Variants in GPR155 observed in about 807,000 individuals in gnomAD.
GPR155 encodes the protein G protein-coupled receptor 155, also known as lysosomal cholesterol signaling protein.
In GPR155, 65 loss-of-function variants were observed where a neutral mutation model predicts 93.1. That is an observed-to-expected ratio of 0.70 (90% confidence interval 0.57 to 0.86). The LOEUF is 0.86. Ranked by LOEUF, GPR155 falls within the 40% of genes least tolerant of loss-of-function variation. The probability of loss-of-function intolerance (pLI) is 0.00; values close to 1 mark genes in which losing one functional copy is unlikely to be tolerated. For synonymous variants in GPR155, 319 were observed against 360.1 expected (o/e 0.89, Z 1.29); for missense variants, 838 against 1,034.8 (o/e 0.81, Z 2.61).
chr2:174,449,043 A>G (rs1687241342), intron 11 of GPR155, among the ~76,000 whole-genome samples: 1 of 152,194 alleles, frequency 6.6e-6, no homozygotes, highest in Non-Finnish European at 1.5e-5. Flanking sequence ...TTGAACAAAC[A>G]AAACACAAAT....
chr2:174,450,533 T>C (rs1425917038), intron 11 of GPR155, among the ~76,000 whole-genome samples: 1 of 152,186 alleles, frequency 6.6e-6, no homozygotes, highest in African/African-American at 2.4e-5. Context: ...AAAAGTATTA[T>C]ATGCCATGTT....
chr2:174,470,614 C>T, intron 3 of GPR155, 59 bp from the exon 4 acceptor site: 7 of 1,496,086 alleles, frequency 4.7e-6, no homozygotes, highest in Non-Finnish European at 6.4e-6. Context: ...TCCCCAGTAG[C>T]AGGCTGCTCT....
At chr2:174,468,658 T>A (rs762789228) in intron 5 of GPR155, among the ~76,000 whole-genome samples, 16 of 152,222 alleles carry the variant, frequency 1.1e-4, no homozygotes, top group Non-Finnish European at 1.8e-4. Context: ...CACAGAGGCA[T>A]ACAGCTAGTT....
rs760139384 is a variant in GPR155 at position 174,481,498 on chromosome 2, T to C, written c.459A>G (p.Ile153Met). 9.0e-6 allele frequency: 14 copies of C among 1,556,584 alleles called. No homozygotes were observed. The highest frequency in any genetic ancestry group is 1.2e-5 in the Non-Finnish European group (14 of 1,140,324). Residue 153 changes from isoleucine (I) to methionine (M), a missense_variant and splice_region_variant, in exon 2 of 16, where the codon ATA becomes ATG. Physicochemically the swap from Ile to Met is conservative, Grantham distance 10 (BLOSUM62 1). Coordinates refer to ENST00000392552, the MANE Select transcript of GPR155 (RefSeq NM_152529.7). ...QSNDFALGYPIVEALYQTTYP... is the reference protein window; with the variant it reads ...QSNDFALGYPMVEALYQTTYP... Reference sequence around the variant, plus strand: ...CTTGAAAAATAAAAATTAACTTACCTATAGGGTATCCCAATGCAAAGTCAT... The same window carrying C: ...CTTGAAAAATAAAAATTAACTTACCCATAGGGTATCCCAATGCAAAGTCAT...
At chr2:174,456,335 C>G (rs1269602394) in intron 10 of GPR155, among the ~76,000 whole-genome samples, 1 of 150,166 alleles carries the variant, frequency 6.7e-6, no homozygotes, top group Non-Finnish European at 1.5e-5. Context: ...GACAGTGTCT[C>G]GCTCCGTTTC....
Position 174,473,936 on chromosome 2 carries a change from C to G in GPR155, c.461-572G>C, listed in dbSNP as rs551398703. Among the ~76,000 whole-genome samples, 30 of 152,222 alleles carry G rather than the reference C, an allele frequency of 2.0e-4. No homozygotes were observed. In the South Asian group the frequency reaches 6.2e-3, roughly 32 times the overall value. On this transcript the variant is annotated intron_variant, in intron 2 of 15. Coordinates refer to ENST00000392552, the MANE Select transcript of GPR155 (RefSeq NM_152529.7). ...AGGGACAGTTGGAAGTGCGGGAGTT[C>G]AGAGTAAAACAGCTAATGAGCTACT...
chr2:174,469,397 AC>A (rs775700904), intron 4 of GPR155, among the ~76,000 whole-genome samples: 2 of 152,208 alleles, frequency 1.3e-5, no homozygotes, highest in African/African-American at 2.4e-5. Flanking sequence ...TGTTTCACAA[AC>A]TATGTGGCAA....
rs1224498784 is a variant in GPR155, at chr2:174,436,420, TG to T, written c.2313-5del. The T allele has an allele frequency of 6.2e-7, 1 of 1,613,114 alleles. No individual in the cohort carries two copies. The highest frequency in any genetic ancestry group is 1.1e-5 in the South Asian group (1 of 91,068). ...AGCAGAAGTCTTTGCACCACACCTG[TG>T]TCAAAGGAATGATTCACCCATATTT... On this transcript the variant is annotated splice_polypyrimidine_tract_variant and splice_region_variant and intron_variant, in intron 15 of 15. Coordinates refer to ENST00000392552, the MANE Select transcript of GPR155 (RefSeq NM_152529.7).
At chr2:174,474,958 C>T (rs1472883621) in intron 2 of GPR155, among the ~76,000 whole-genome samples, 3 of 152,016 alleles carry the variant, frequency 2.0e-5, no homozygotes, top group African/African-American at 7.2e-5. Context: ...AGAACAGCCA[C>T]AGTCGTTCAC....
At chr2:174,482,060 C>G in intron 1 of GPR155, 73 bp from the exon 2 acceptor site, 1 of 754,276 alleles carries the variant, frequency 1.3e-6, no homozygotes, top group Non-Finnish European at 2.2e-6. Context: ...ACTGGCAAAC[C>G]TAGATTTGTT....
intron 1 of GPR155, among the ~76,000 whole-genome samples, chr2:174,484,231 C>A (rs1205227296): frequency 6.6e-6 from 1 of 152,134 alleles, no homozygotes; most frequent in East Asian, 1.9e-4. Context: ...TGAAGTTTAC[C>A]AAATAAGCAT....
At chr2:174,448,382 A>G (rs1249516260) in intron 11 of GPR155, among the ~76,000 whole-genome samples, 2 of 152,220 alleles carry the variant, frequency 1.3e-5, no homozygotes, top group African/African-American at 4.8e-5. Context: ...CTCAAAAAAA[A>G]GTAATGCCTC....
At chr2:174,442,313 G>A in intron 13 of GPR155, 130 bp from the exon 14 acceptor site, 1 of 597,292 alleles carries the variant, frequency 1.7e-6, no homozygotes, top group South Asian at 1.9e-5. Context: ...CATTTTAAGT[G>A]GAACACACAA....
At chr2:174,440,905 G>C (rs1311822120) in intron 14 of GPR155, among the ~76,000 whole-genome samples, 1 of 152,134 alleles carries the variant, frequency 6.6e-6, no homozygotes, top group Non-Finnish European at 1.5e-5. Context: ...TCCGTAAGCT[G>C]TCAGTTTGAT....
At chr2:174,446,334 G>A (rs1347940276) in intron 12 of GPR155, among the ~76,000 whole-genome samples, 5 of 116,344 alleles carry the variant, frequency 4.3e-5, no homozygotes, top group African/African-American at 3.1e-5. Context: ...AAAATAAAAA[G>A]AAATAGCTGC....
chr2:174,472,057 C>T (rs540755950), intron 3 of GPR155, among the ~76,000 whole-genome samples: 14 of 152,156 alleles, frequency 9.2e-5, no homozygotes, highest in Non-Finnish European at 2.1e-4. Context: ...ATGTCACCTG[C>T]ACCATCATGT....
Position 174,436,303 on chromosome 2 carries a change from A to G in GPR155, c.2426T>C (p.Leu809Pro). The change falls in exon 16 of 16, where the codon CTG becomes CCG. Residue 809 changes from leucine (L) to proline (P), a missense_variant. Leu to Pro is a moderately conservative substitution (Grantham distance 98). Around this residue, in one of 3 missense-constraint regions of GPR155, gnomAD observed 146 missense variants for 177.5 expected, o/e 0.82. Transcript: ENST00000392552. ...ATGTTGGATGACTCCCCCTTGTACC[A>G]GCCTGTCTCCGTATATCACAGCTTC... is the stretch of plus-strand genomic sequence containing the variant. ...RGEAVIYGDR[L>P]VQGGVIQHIT... The G allele has an allele frequency of 6.2e-7, 1 of 1,614,182 alleles. No homozygotes were observed. Among genetic ancestry groups the G allele is most frequent in the South Asian group, 1.1e-5 (1 of 91,088 alleles).
chr2:174,463,919 T>A (rs1225681252), intron 7 of GPR155, among the ~76,000 whole-genome samples: 1 of 152,214 alleles, frequency 6.6e-6, no homozygotes, highest in African/African-American at 2.4e-5. Flanking sequence ...AGAATTGGTT[T>A]TCTTTACCAC....
At chr2:174,482,517 G>GTA (rs1314272220) in intron 1 of GPR155, among the ~76,000 whole-genome samples, 1 of 152,166 alleles carries the variant, frequency 6.6e-6, no homozygotes, top group East Asian at 1.9e-4. Flanking sequence ...GGGAAGAAGG[G>GTA]TATAGTAGAG....
Sources: allele counts gnomAD v4.1 joint callset (sites outside exome capture counted in the v4.1 genomes callset), GRCh38; gene constraint gnomAD v4.1.1; regional missense constraint gnomAD v4.1.1; transcripts MANE v1.5; gene names NCBI Gene and HGNC (gene_info 2026-07-23, HGNC 2026-07-21).